Variants in HDAC10 observed in about 807,000 individuals in gnomAD.
HDAC10 encodes polyamine deacetylase HDAC10.
HDAC10 carries 90 observed loss-of-function variants against 82.3 expected under a neutral mutation model. That is an observed-to-expected ratio of 1.09 (90% CI 0.92 to 1.30). The LOEUF is 1.30. Among genes scored for constraint, HDAC10 ranks in the 50% most tolerant of loss-of-function variants. The pLI is 0.00. For missense variants in HDAC10, 934 were observed against 876.3 expected (o/e 1.07, Z -0.83); for synonymous variants, 456 against 391.7 (o/e 1.16, Z -1.94).
Position 50,251,257 on chromosome 22 carries a change from C to T in HDAC10, c.-225G>A. ...AGGCTGCAGTCGAAGGGGGAGGCTC[C>T]CCGCGCCTGGCTTCCGGCTTCCTCG... On this transcript the variant is annotated 5_prime_UTR_variant, in exon 1 of 20. Coordinates refer to ENST00000216271, the MANE Select transcript of HDAC10 (RefSeq NM_032019.6). The T allele has an allele frequency of 4.2e-6, 2 of 475,664 alleles. No homozygotes were observed. Among genetic ancestry groups the T allele is most frequent in the South Asian group, 7.1e-5 (2 of 28,220 alleles). The allele number at this position is 475,664 out of a possible 1,614,324, so 29.5% of individuals were successfully genotyped here. A position where few individuals can be genotyped will look rare whatever the true frequency, so the allele number is the denominator to read the frequency against.
rs917052122 is a variant in HDAC10, at chr22:50,248,709, G to A, written c.859C>T (p.Gln287Ter). ...CCGCCGGCCAGCACCTGCAGCAGCT[G>A]TGTGAGGTGGGCGAAGCACTCTGGC... Reference protein sequence around the residue: ...ATPECFAHLTQLLQVLAGGRV... With the variant: ...ATPECFAHLT The change falls in exon 10 of 20, where the codon CAG (glutamine) becomes TAG (stop). Residue 287 changes from glutamine (Q) to a stop codon, truncating the protein, a stop_gained. Transcript: ENST00000216271. LOFTEE classifies it high-confidence loss of function. The surrounding 1 kb of genome is among the most constrained non-coding windows in gnomAD (Gnocchi z 5.4). The A allele has an allele frequency of 6.8e-5, 106 of 1,559,324 alleles. No homozygotes were observed. The highest frequency in any genetic ancestry group is 8.7e-5 in the Non-Finnish European group (100 of 1,151,108).
Position 50,250,761 on chromosome 22 carries a change from C to G in HDAC10, c.194+10G>C. 6.3e-7 allele frequency: 1 copy of G among 1,575,232 alleles called. No homozygotes were observed. Among genetic ancestry groups the G allele is most frequent in the Non-Finnish European group, 8.6e-7 (1 of 1,161,356 alleles). ...CCGCCCCCCATCGTGGGGCCTGCCC[C>G]CGTCCTGACCTGTGCACCAGGCCCA... On this transcript the variant is annotated intron_variant, in intron 2 of 19. Transcript: ENST00000216271.
In HDAC10 at chr22:50,249,717, G is replaced by T; in HGVS notation, c.495-14C>A. On this transcript the variant is annotated splice_polypyrimidine_tract_variant and intron_variant, in intron 5 of 19. Coordinates refer to ENST00000216271, the MANE Select transcript of HDAC10 (RefSeq NM_032019.6). This position sits in a 1 kb window ranked among gnomAD's most constrained non-coding sequence, Gnocchi z 4.4. ...ACGACGAGGATCCTGGGTACAGACA[G>T]CGCTGGTGGCAAAGGGGCAGGGCCT... 1.2e-6 allele frequency: 2 copies of T among 1,612,554 alleles called. No individual in the cohort carries two copies. Among genetic ancestry groups the T allele is most frequent in the Non-Finnish European group, 1.7e-6 (2 of 1,179,860 alleles).
Position 50,249,611 on chromosome 22 carries a change from G to A in HDAC10, c.563+24C>T, listed in dbSNP as rs1438848111. On this transcript the variant is annotated intron_variant, in intron 6 of 19. Coordinates refer to ENST00000216271, the MANE Select transcript of HDAC10 (RefSeq NM_032019.6). The surrounding 1 kb of genome is among the most constrained non-coding windows in gnomAD (Gnocchi z 4.4). The stretch of plus-strand genomic sequence containing the variant: ...CCCAAAAACTGGGGCTGCAGGGAAG[G>A]GTGGTTTCCGCACCCCTGCTCACCT... The A allele has an allele frequency of 6.2e-7, 1 of 1,612,242 alleles. No homozygotes were observed. The highest frequency in any genetic ancestry group is 2.2e-5 in the East Asian group (1 of 44,870).
Position 50,249,279 on chromosome 22 carries a change from G to A in HDAC10, c.690+49C>T, listed in dbSNP as rs775182890. The A allele has an allele frequency of 9.5e-7, 1 of 1,050,478 alleles. No individual in the cohort carries two copies. Among genetic ancestry groups the A allele is most frequent in the Non-Finnish European group, 1.3e-6 (1 of 745,828 alleles). The allele number at this position is 1,050,478 out of a possible 1,614,324, so 65.1% of individuals were successfully genotyped here. On this transcript the variant is annotated intron_variant, in intron 7 of 19. Coordinates refer to ENST00000216271, the MANE Select transcript of HDAC10 (RefSeq NM_032019.6). The surrounding 1 kb of genome is among the most constrained non-coding windows in gnomAD (Gnocchi z 4.4). ...GGGTGAACTGTGGGGGAGGGGAGGG[G>A]CCCAGGGGGAGGGGGCTGGGTGGGG...
rs191771005 is a variant in HDAC10, at chr22:50,245,269, G to T, written c.*238C>A. ...GGGGCCGGAACGGGACCGAGCGTGG[G>T]TTGCATGGGCCTCGATGGGACGGGC... On this transcript the variant is annotated 3_prime_UTR_variant, in exon 20 of 20. Transcript: ENST00000216271. 1.4e-3 allele frequency: 818 copies of T among 597,482 alleles called. 1 individual carries two copies. The African/African-American group carries it at 0.014, about 10-fold the overall frequency. 37.0% of individuals were successfully genotyped at this position (597,482 alleles called of 1,614,324 possible).
chr22:50,249,973 TGA>T lies in HDAC10; in HGVS notation c.390-11_390-10del. On this transcript the variant is annotated splice_polypyrimidine_tract_variant and intron_variant, in intron 4 of 19. Transcript: ENST00000216271. This position sits in a 1 kb window ranked among gnomAD's most constrained non-coding sequence, Gnocchi z 4.4. ...CATGGTGCCCGGGAGGCCTACGGCG[TGA>T]GAGTAGGATTTGGGTCACGTCAGGG... 6.2e-7 allele frequency: 1 copy of T among 1,609,700 alleles called. No homozygotes were observed. The highest frequency in any genetic ancestry group is 8.5e-7 in the Non-Finnish European group (1 of 1,177,470).
Position 50,247,995 on chromosome 22 carries a change from C to G in HDAC10, c.1232G>C (p.Arg411Pro), listed in dbSNP as rs144952453. 4.3e-6 allele frequency: 7 copies of G among 1,612,818 alleles called. No individual in the cohort carries two copies. The highest frequency in any genetic ancestry group is 1.7e-5 in the Admixed American group (1 of 60,010). Residue 411 changes from arginine (R) to proline (P), a missense_variant, in exon 13 of 20, where the codon CGC (arginine) becomes CCC (proline). Arg to Pro is a moderately radical substitution (Grantham distance 103). Coordinates refer to ENST00000216271, the MANE Select transcript of HDAC10 (RefSeq NM_032019.6). ...CGGCGTTGTCAGGGCAACAGCGGTG[C>G]GGACAGAGGGTGCGGGGCAGAGGCA... is the stretch of plus-strand genomic sequence containing the variant. ...QPCLCPAPSV[R>P]TAVALTTPDI...
intron 14 of HDAC10, chr22:50,247,343 G>C (rs1173865693): frequency 6.3e-6 from 2 of 317,810 alleles, no homozygotes; most frequent in East Asian, 5.7e-5. Context: ...ATGTTCTCTA[G>C]GCTGGTCTTG....
In HDAC10 at chr22:50,250,670, C is replaced by T. The variant is rs1046308488; in HGVS notation, c.194+101G>A. 11 of 1,366,998 alleles carry T rather than the reference C, an allele frequency of 8.0e-6. No individual in the cohort carries two copies. The African/African-American group carries it at 1.3e-4, about 16-fold the overall frequency. The allele number at this position is 1,366,998 out of a possible 1,614,324, so 84.7% of individuals were successfully genotyped here. A position where few individuals can be genotyped will look rare whatever the true frequency, so the allele number is the denominator to read the frequency against. ...CACCCGAGGTGCATAGGGAGAGGCTCTGTATTCGAGGCTGGCAGGCTCGGG... is the reference window on the plus strand; with the variant it reads ...CACCCGAGGTGCATAGGGAGAGGCTTTGTATTCGAGGCTGGCAGGCTCGGG... On this transcript the variant is annotated intron_variant, in intron 2 of 19. Coordinates refer to ENST00000216271, the MANE Select transcript of HDAC10 (RefSeq NM_032019.6).
chr22:50,245,695 G>A lies in HDAC10; in HGVS notation c.1966C>T (p.Pro656Ser). The A allele has an allele frequency of 1.2e-6, 2 of 1,613,216 alleles. No individual in the cohort carries two copies. Among genetic ancestry groups the A allele is most frequent in the African/African-American group, 1.3e-5 (1 of 75,064 alleles). The stretch of plus-strand genomic sequence containing the variant: ...CTCACCTGCAACATCTTCCACTGAG[G>A]CTCCAGCTGCCCTCTCAGGTACATC... The part of the protein sequence containing the change: ...ALMYLRGQLE[P>S]QWKMLQCHPH... Residue 656 changes from proline (P) to serine (S), a missense_variant, in exon 19 of 20, where the codon CCT becomes TCT. By Grantham distance (74) the Pro-to-Ser change is moderately conservative. Transcript: ENST00000216271.
intron 2 of HDAC10, 95 bp from the exon 3 acceptor site, chr22:50,250,618 C>T (rs2065066467): frequency 2.3e-6 from 3 of 1,306,044 alleles, no homozygotes; most frequent in East Asian, 2.4e-5. Flanking sequence ...GAGTGGCCAC[C>T]CTGTCACTTC....
At position 50,251,013 on chromosome 22, in the gene HDAC10, T is replaced by C. The variant is rs1343025342; in HGVS notation, c.20A>G (p.Tyr7Cys). The change falls in exon 1 of 20, where the codon TAC becomes TGC. Residue 7 changes from tyrosine to cysteine, a missense_variant. Physicochemically the swap from Tyr to Cys is radical, Grantham distance 194. Coordinates refer to ENST00000216271, the MANE Select transcript of HDAC10 (RefSeq NM_032019.6). MGTALVYHEDMTATRLL... is the reference protein window; with the variant it reads MGTALVCHEDMTATRLL... ...CCGGGTGGCCGTCATGTCCTCATGG[T>C]ACACAAGCGCGGTCCCCATGGCTGC... 7 of 1,612,052 alleles carry C rather than the reference T, an allele frequency of 4.3e-6. No individual in the cohort carries two copies. Among genetic ancestry groups the C allele is most frequent in the Non-Finnish European group, 5.9e-6 (7 of 1,179,442 alleles).
rs1408169931 is a variant in HDAC10 at position 50,247,706 on chromosome 22, T to C, written c.1408A>G (p.Met470Val). 1.3e-6 allele frequency: 2 copies of C among 1,577,412 alleles called. No individual in the cohort carries two copies. Among genetic ancestry groups the C allele is most frequent in the South Asian group, 1.1e-5 (1 of 87,932 alleles). Residue 470 changes from methionine (M) to valine (V), a missense_variant, in exon 14 of 20, where the codon ATG (methionine) becomes GTG (valine). Met to Val is a conservative substitution (Grantham distance 21). Transcript: ENST00000216271. ...LGKLLYLLDG[M>V]LDGQVNSGIA... ...GGTGCTCCCACCTGCCCATCCAGCA[T>C]CCCATCTAAGAGGTACAGGAGCTTC...
Position 50,249,296 on chromosome 22 carries a change from T to A in HDAC10, c.690+32A>T. On this transcript the variant is annotated intron_variant, in intron 7 of 19. Coordinates refer to ENST00000216271, the MANE Select transcript of HDAC10 (RefSeq NM_032019.6). The surrounding 1 kb of genome is among the most constrained non-coding windows in gnomAD (Gnocchi z 4.4). ...GGGGAGGGGCCCAGGGGGAGGGGGC[T>A]GGGTGGGGACCTGGGGCTTGAGGGT... The A allele has an allele frequency of 1.3e-6, 1 of 753,314 alleles. No individual in the cohort carries two copies. The highest frequency in any genetic ancestry group is 1.9e-6 in the Non-Finnish European group (1 of 533,216). The allele number at this position is 753,314 out of a possible 1,614,324, so 46.7% of individuals were successfully genotyped here. A position where few individuals can be genotyped will look rare whatever the true frequency, so the allele number is the denominator to read the frequency against.
chr22:50,246,288 G>T lies in HDAC10; in HGVS notation c.1650+10C>A, dbSNP rs897996103. 1 of 1,610,680 alleles carries T rather than the reference G, an allele frequency of 6.2e-7. No individual in the cohort carries two copies. Among genetic ancestry groups the T allele is most frequent in the African/African-American group, 1.3e-5 (1 of 75,010 alleles). Reference sequence around the variant, plus strand: ...CAGCACCTGCCTTGCCGCGTGGCATGGTCACTCACCACTGGCAGTGGCGTG... The same window carrying T: ...CAGCACCTGCCTTGCCGCGTGGCATTGTCACTCACCACTGGCAGTGGCGTG... On this transcript the variant is annotated intron_variant, in intron 17 of 19. Transcript: ENST00000216271.
rs200001345 is a variant in HDAC10 at position 50,248,343 on chromosome 22, G to C, written c.1013+23C>G. ...ACACCTGGTCTCACACCCCGGCCCT[G>C]CCCGCCCTACCTCCCCTCGCACCTC... On this transcript the variant is annotated intron_variant, in intron 11 of 19. Transcript: ENST00000216271. The surrounding 1 kb of genome is among the most constrained non-coding windows in gnomAD (Gnocchi z 5.4). 2 of 1,611,244 alleles carry C rather than the reference G, an allele frequency of 1.2e-6. No individual in the cohort carries two copies. The highest frequency in any genetic ancestry group is 1.7e-4 in the Middle Eastern group (1 of 6,054).
Position 50,247,469 on chromosome 22 carries a change from G to A in HDAC10, c.1422+223C>T, listed in dbSNP as rs1196645322. 1.2e-5 allele frequency: 6 copies of A among 483,600 alleles called. No individual in the cohort carries two copies. The Admixed American group carries it at 2.2e-4, about 18-fold the overall frequency. The allele number at this position is 483,600 out of a possible 1,614,324, so 30.0% of individuals were successfully genotyped here. On this transcript the variant is annotated intron_variant, in intron 14 of 19. Coordinates refer to ENST00000216271, the MANE Select transcript of HDAC10 (RefSeq NM_032019.6). Reference sequence around the variant, plus strand: ...TTTAAATCACCCCCTTCACCTCTCTGCCAAAGAGCATTTAACTGAAGAAGC... The same window carrying A: ...TTTAAATCACCCCCTTCACCTCTCTACCAAAGAGCATTTAACTGAAGAAGC...
rs751964114 is a variant in HDAC10, at chr22:50,248,831, C to G, written c.816G>C (p.Glu272Asp). 3 of 1,610,780 alleles carry G rather than the reference C, an allele frequency of 1.9e-6. 1 individual carries two copies. In the Admixed American group the frequency reaches 5.0e-5, roughly 27 times the overall value. The stretch of plus-strand genomic sequence containing the variant: ...CTCCCTGGCAAGGCAAGGCCCTCAC[C>G]TCAGGGTCCCCGATGGCTGAGTCAA... ...AGFDSAIGDP[E>D]GQMQATPECF... The change falls in exon 9 of 20, where the codon GAG becomes GAC. Residue 272 changes from glutamate (E) to aspartate (D), a missense_variant and splice_region_variant. Coordinates refer to ENST00000216271, the MANE Select transcript of HDAC10 (RefSeq NM_032019.6). The surrounding 1 kb of genome is among the most constrained non-coding windows in gnomAD (Gnocchi z 5.4).
Sources: allele counts gnomAD v4.1 joint callset, GRCh38; gene constraint gnomAD v4.1.1; non-coding constraint Gnocchi (gnomAD v3.1); transcripts MANE v1.5; gene names NCBI Gene and HGNC (gene_info 2026-07-23, HGNC 2026-07-21).